Variants in ZNF385D observed in about 807,000 individuals in gnomAD.
ZNF385D encodes the protein zinc finger protein 385D.
ZNF385D carries 15 observed loss-of-function variants against 35.8 expected under a neutral mutation model. The observed-to-expected ratio is 0.42, with a 90% CI of 0.28 to 0.64. The LOEUF is 0.64. Among genes scored for constraint, ZNF385D ranks in the 30% least tolerant of loss-of-function variants. ZNF385D has a pLI of 0.23. For synonymous variants in ZNF385D, 212 were observed against 186.8 expected (o/e 1.13, Z -1.10); for missense variants, 474 against 494.6 (o/e 0.96, Z 0.39).
intron 2 of ZNF385D, among the ~76,000 whole-genome samples, chr3:21,597,141 G>A (rs1414189539): frequency 6.6e-6 from 1 of 152,072 alleles, no homozygotes; most frequent in Admixed American, 6.6e-5. Context: ...TAAAAATGAA[G>A]CTATGTTTTA....
At chr3:22,217,025 G>C (rs1017395263) in intron 2 of ZNF385D, among the ~76,000 whole-genome samples, 1 of 152,106 alleles carries the variant, frequency 6.6e-6, no homozygotes, top group Non-Finnish European at 1.5e-5. Flanking sequence ...AAACATTTTA[G>C]ATTTTGCTAT....
chr3:22,086,773 G>C (rs9850261), intron 3 of ZNF385D, among the ~76,000 whole-genome samples: 31,592 of 152,030 alleles, frequency 0.21, 3,749 homozygotes, highest in Non-Finnish European at 0.26. Flanking sequence ...ATGAGTTCAT[G>C]TCCTTTGTAG....
intron 2 of ZNF385D, among the ~76,000 whole-genome samples, chr3:21,565,114 A>C (rs1028245764): frequency 3.3e-5 from 5 of 152,314 alleles, no homozygotes; most frequent in African/African-American, 4.8e-5. Flanking sequence ...ATACACCATT[A>C]TCCAACATGA....
intron 1 of ZNF385D, among the ~76,000 whole-genome samples, chr3:21,681,181 C>G (rs13079019): frequency 6.6e-6 from 1 of 150,636 alleles, no homozygotes; most frequent in African/African-American, 2.4e-5. Flanking sequence ...TGAAAGACAT[C>G]TAAGTCCTTC....
chr3:22,223,507 T>C lies in ZNF385D; in HGVS notation c.107-54472A>G, dbSNP rs80344973. 6.9e-3 allele frequency among the ~76,000 whole-genome samples: 1,053 copies of C among 152,236 alleles called. 7 individuals are homozygous for C. The highest frequency in any genetic ancestry group is 0.024 in the African/African-American group (982 of 41,542). ...TCTTATCTGTAAATTGGGGGTGTAA[T>C]AGTGAGTACATCATAGGATTGCTGT... On this transcript the variant is annotated intron_variant, in intron 2 of 5. Coordinates refer to the ZNF385D transcript ENST00000494108.
In ZNF385D at chr3:21,737,644, A is replaced by T. The variant is rs114433271; in HGVS notation, c.22+13251T>A. ...TTATACTTTTATAATTCTCAATTTA[A>T]AAACTGTACTGTATTACTTTTTCAA... On this transcript the variant is annotated intron_variant, in intron 1 of 7. Coordinates refer to ENST00000281523, the MANE Select transcript of ZNF385D (RefSeq NM_024697.3). Among the ~76,000 whole-genome samples, 613 of 152,338 alleles carry T rather than the reference A, an allele frequency of 4.0e-3. 7 individuals carry two copies. The highest frequency in any genetic ancestry group is 0.014 in the African/African-American group (590 of 41,574).
chr3:21,456,537 G>GAGA (rs1176575019), intron 4 of ZNF385D, among the ~76,000 whole-genome samples: 2 of 152,154 alleles, frequency 1.3e-5, no homozygotes, highest in East Asian at 3.9e-4. Flanking sequence ...ATTGAACAAT[G>GAGA]AGAACACTTG....
intron 3 of ZNF385D, among the ~76,000 whole-genome samples, chr3:22,152,919 T>C (rs951810858): frequency 1.3e-5 from 2 of 152,124 alleles, no homozygotes; most frequent in African/African-American, 4.8e-5. Context: ...CGTGGTGAAA[T>C]CTTGCACTGG....
intron 4 of ZNF385D, among the ~76,000 whole-genome samples, chr3:21,490,432 T>C (rs1263389807): frequency 6.6e-6 from 1 of 152,180 alleles, no homozygotes; most frequent in Non-Finnish European, 1.5e-5. Context: ...CTTCTTACAA[T>C]ACAATGTGAC....
intron 3 of ZNF385D, among the ~76,000 whole-genome samples, chr3:21,966,259 C>A (rs753674959): frequency 2.0e-5 from 3 of 152,142 alleles, no homozygotes; most frequent in Non-Finnish European, 4.4e-5. Context: ...CCCCTAACAT[C>A]TAGCACAGCT....
At chr3:21,801,752 A>G (rs570040223) in intron 3 of ZNF385D, among the ~76,000 whole-genome samples, 35 of 152,264 alleles carry the variant, frequency 2.3e-4, no homozygotes, top group African/African-American at 8.2e-4. Flanking sequence ...CTGAAAACTC[A>G]TAATGCTCTG....
At chr3:21,707,287 G>A (rs1181241374) in intron 1 of ZNF385D, among the ~76,000 whole-genome samples, 3 of 152,144 alleles carry the variant, frequency 2.0e-5, no homozygotes, top group East Asian at 3.9e-4. Context: ...TATTCAGAAT[G>A]CTTGATTTAC....
chr3:21,941,352 T>G (rs917983623), intron 3 of ZNF385D, among the ~76,000 whole-genome samples: 4 of 152,178 alleles, frequency 2.6e-5, no homozygotes, highest in African/African-American at 9.6e-5. Flanking sequence ...AGTATATGTA[T>G]GCACTAAGCT....
chr3:21,691,078 G>A (rs928969243), intron 1 of ZNF385D, among the ~76,000 whole-genome samples: 1 of 151,924 alleles, frequency 6.6e-6, no homozygotes, highest in Non-Finnish European at 1.5e-5. Context: ...TTCCGCTCTA[G>A]CCTGGACCAC....
chr3:21,853,994 A>C (rs1025044392), intron 3 of ZNF385D, among the ~76,000 whole-genome samples: 3 of 151,888 alleles, frequency 2.0e-5, no homozygotes, highest in African/African-American at 7.2e-5. Flanking sequence ...AAAATATTCT[A>C]TACCTTTAGG....
chr3:21,913,086 A>C (rs1700037583), intron 3 of ZNF385D, among the ~76,000 whole-genome samples: 2 of 152,090 alleles, frequency 1.3e-5, no homozygotes, highest in South Asian at 4.1e-4. Context: ...TATTCTGAAG[A>C]GTGATTTACC....
upstream of ZNF385D, among the ~76,000 whole-genome samples, chr3:21,752,651 G>T (rs576552662): frequency 6.6e-6 from 1 of 151,914 alleles, no homozygotes; most frequent in Non-Finnish European, 1.5e-5. Flanking sequence ...ATATAAATCA[G>T]AAACATCACA....
chr3:21,695,232 A>G (rs557236528), intron 1 of ZNF385D, among the ~76,000 whole-genome samples: 13 of 152,318 alleles, frequency 8.5e-5, no homozygotes, highest in Admixed American at 4.6e-4. Flanking sequence ...AGGGCAGTGT[A>G]ATGGAGTTAT....
chr3:22,141,005 A>G (rs1704470619), intron 3 of ZNF385D, among the ~76,000 whole-genome samples: 1 of 152,216 alleles, frequency 6.6e-6, no homozygotes, highest in African/African-American at 2.4e-5. Flanking sequence ...ATTGTATATC[A>G]ATATCACCAG....
Sources: gnomAD v4.1 joint callset for allele counts (sites outside exome capture counted in the v4.1 genomes callset) on GRCh38, gnomAD v4.1.1 for gene constraint, MANE v1.5 for transcripts, NCBI Gene and HGNC (gene_info 2026-07-23, HGNC 2026-07-21) for gene names.